Variants in HTR1F observed in about 807,000 individuals in gnomAD.
HTR1F encodes 5-hydroxytryptamine receptor 1F.
Under a neutral mutation model 24.0 loss-of-function variants are expected in HTR1F, and 17 were observed. The ratio of observed to expected loss-of-function variants is 0.71; its 90% CI spans 0.48 to 1.06. HTR1F has a LOEUF of 1.06. Among genes scored for constraint, HTR1F ranks in the 50% least tolerant of loss-of-function variants. The probability of loss-of-function intolerance (pLI) is 0.00; values close to 1 mark genes in which losing one functional copy is unlikely to be tolerated. For missense variants in HTR1F, 391 were observed against 427.8 expected (o/e 0.91, Z 0.76); for synonymous variants, 186 against 156.8 (o/e 1.19, Z -1.39).
In HTR1F at chr3:87,798,962, C is replaced by T. The variant is rs1045772610; in HGVS notation, c.-160+6120C>T. 3.3e-5 allele frequency among the ~76,000 whole-genome samples: 5 copies of T among 152,086 alleles called. No individual in the cohort carries two copies. In the East Asian group the frequency reaches 5.8e-4, roughly 18 times the overall value. On this transcript the variant is annotated intron_variant, in intron 1 of 2. Transcript: ENST00000319595. ...TCTTAGCTCTCTTGTTCATTCACTT[C>T]CATTTTATGTTTTGGTCAAAGATCC...
chr3:87,793,571 AG>A (rs1382227372), intron 1 of HTR1F: 4 of 152,088 alleles, frequency 2.6e-5, no homozygotes, highest in African/African-American at 9.7e-5. Context: ...CGGCGGAATG[AG>A]GGTTCATCCT....
intron 1 of HTR1F, among the ~76,000 whole-genome samples, chr3:87,813,922 C>CT (rs200425930): frequency 0.04 from 5,970 of 149,932 alleles, 131 homozygotes; most frequent in South Asian, 0.058. Context: ...AATTAAACCT[C>CT]TTTTTTTTTT....
At chr3:87,803,568 C>G (rs1289100330) in intron 1 of HTR1F, among the ~76,000 whole-genome samples, 1 of 152,056 alleles carries the variant, frequency 6.6e-6, no homozygotes, top group East Asian at 1.9e-4. Flanking sequence ...AAACCAGTGT[C>G]ATATATTGGA....
chr3:87,922,205 G>A (rs1179080481), intron 2 of HTR1F, among the ~76,000 whole-genome samples: 1 of 151,570 alleles, frequency 6.6e-6, no homozygotes, highest in Non-Finnish European at 1.5e-5. Flanking sequence ...TTTGTTTTTT[G>A]TATAATAGCC....
intron 2 of HTR1F, among the ~76,000 whole-genome samples, chr3:87,984,195 C>T (rs1705611643): frequency 6.6e-6 from 1 of 152,208 alleles, no homozygotes; most frequent in Admixed American, 6.5e-5. Flanking sequence ...TTTCCTGTAC[C>T]TGCAAAGGCT....
intron 2 of HTR1F, among the ~76,000 whole-genome samples, chr3:87,930,764 A>G (rs1704243317): frequency 6.6e-6 from 1 of 152,114 alleles, no homozygotes; most frequent in African/African-American, 2.4e-5. Flanking sequence ...GTAAAATATG[A>G]ACAGTGCCTA....
chr3:87,952,161 AG>A (rs1704848260), intron 2 of HTR1F, among the ~76,000 whole-genome samples: 1 of 152,064 alleles, frequency 6.6e-6, no homozygotes, highest in African/African-American at 2.4e-5. Flanking sequence ...AAAGTAGACA[AG>A]GTCACATTCT....
At chr3:87,959,571 G>C (rs1705016979) in intron 2 of HTR1F, among the ~76,000 whole-genome samples, 1 of 151,900 alleles carries the variant, frequency 6.6e-6, no homozygotes, top group African/African-American at 2.4e-5. Context: ...CATCAAGAAA[G>C]TGGTACTTTA....
intron 2 of HTR1F, among the ~76,000 whole-genome samples, chr3:87,918,986 C>A (rs181448758): frequency 6.9e-4 from 105 of 152,200 alleles, no homozygotes; most frequent in African/African-American, 2.5e-3. Context: ...TATTGTAAGG[C>A]TGTAGTCACC....
intron 2 of HTR1F, among the ~76,000 whole-genome samples, chr3:87,916,390 A>ATTGAATG: frequency 6.6e-6 from 1 of 152,002 alleles, no homozygotes; most frequent in East Asian, 1.9e-4. Context: ...CAATACTAAC[A>ATTGAATG]TTGAATGTAA....
At chr3:87,942,438 G>C (rs1704591809) in intron 2 of HTR1F, among the ~76,000 whole-genome samples, 1 of 152,124 alleles carries the variant, frequency 6.6e-6, no homozygotes, top group Non-Finnish European at 1.5e-5. Context: ...GGCTCTGTGA[G>C]GGTGACGGCA....
rs368040159 is a variant in HTR1F at position 87,808,735 on chromosome 3, T to G, written c.-159-13273T>G. Among the ~76,000 whole-genome samples the G allele has an allele frequency of 4.1e-4, 63 of 152,026 alleles. No homozygotes were observed. In the East Asian group the frequency reaches 9.1e-3, roughly 22 times the overall value. On this transcript the variant is annotated intron_variant, in intron 1 of 2. Transcript: ENST00000319595. ...TATTTGAAATCTTTCTACTTTTTTATGTGGGCATTTATTCTATCAGCTTTG... is the reference window on the plus strand; with the variant it reads ...TATTTGAAATCTTTCTACTTTTTTAGGTGGGCATTTATTCTATCAGCTTTG...
chr3:87,990,354 G>C (rs1459101193), intron 2 of HTR1F, among the ~76,000 whole-genome samples: 4 of 152,042 alleles, frequency 2.6e-5, no homozygotes, highest in Admixed American at 2.0e-4. Context: ...GGAGGCCTGC[G>C]TTATTGAGAT....
chr3:87,866,914 T>TTA (rs1330020867), intron 2 of HTR1F, among the ~76,000 whole-genome samples: 1 of 151,656 alleles, frequency 6.6e-6, no homozygotes, highest in Non-Finnish European at 1.5e-5. Context: ...TTTTTACATT[T>TTA]CTTTATGGTC....
intron 2 of HTR1F, among the ~76,000 whole-genome samples, chr3:87,900,568 A>G (rs1477502384): frequency 6.6e-6 from 1 of 151,838 alleles, no homozygotes; most frequent in Non-Finnish European, 1.5e-5. Context: ...GAAGCAGGGG[A>G]AAAAATGAGC....
At chr3:87,825,422 G>A (rs1704443044) in intron 2 of HTR1F, among the ~76,000 whole-genome samples, 1 of 152,076 alleles carries the variant, frequency 6.6e-6, no homozygotes, top group Admixed American at 6.5e-5. Context: ...ACTAAAATAT[G>A]TACTATTGCT....
intron 2 of HTR1F, among the ~76,000 whole-genome samples, chr3:87,887,518 T>C (rs568638235): frequency 0.016 from 2,395 of 152,194 alleles, 34 homozygotes; most frequent in Non-Finnish European, 0.018. Context: ...CAAAAGAAAC[T>C]ACCATCAGAG....
intron 2 of HTR1F, among the ~76,000 whole-genome samples, chr3:87,922,273 AATGATG>A (rs1377143164): frequency 6.6e-6 from 1 of 151,962 alleles, no homozygotes; most frequent in Non-Finnish European, 1.5e-5. Context: ...TTTCCTGATT[AATGATG>A]TTGAGCATTT....
chr3:87,909,701 A>G (rs1362033584), intron 2 of HTR1F, among the ~76,000 whole-genome samples: 2 of 152,032 alleles, frequency 1.3e-5, no homozygotes, highest in Non-Finnish European at 2.9e-5. Context: ...TAAGCTTGAA[A>G]CCTAGGTCTA....
Sources: gnomAD v4.1 joint callset for allele counts (sites outside exome capture counted in the v4.1 genomes callset) on GRCh38, gnomAD v4.1.1 for gene constraint, MANE v1.5 for transcripts, NCBI Gene and HGNC (gene_info 2026-07-23, HGNC 2026-07-21) for gene names.